Variants in PPRC1 observed in about 807,000 individuals in gnomAD.
PPRC1 encodes the protein PPARG related coactivator 1.
In PPRC1, 23 loss-of-function variants were observed where a neutral mutation model predicts 132.5. That is an observed-to-expected ratio of 0.17 (90% confidence interval 0.12 to 0.25). The LOEUF (loss-of-function observed/expected upper bound fraction) is 0.25. Ranked by LOEUF, PPRC1 falls within the 10% of genes least tolerant of loss-of-function variation. The pLI, the probability that PPRC1 is intolerant of heterozygous loss-of-function variation, is 1.00. For missense variants in PPRC1, 2,006 were observed against 2,089.1 expected (o/e 0.96, Z 0.78); for synonymous variants, 872 against 833.5 (o/e 1.05, Z -0.80).
Position 102,141,855 on chromosome 10 carries a change from C to T in PPRC1, c.3347C>T (p.Pro1116Leu), listed in dbSNP as rs757550823. 2 of 1,614,138 alleles carry T rather than the reference C, an allele frequency of 1.2e-6. No homozygotes were observed. The highest frequency in any genetic ancestry group is 2.2e-5 in the South Asian group (2 of 91,072). ...AGGCCCAGGGAGAAGCCCCCCTTGC[C>T]TGCTACCAAGGCTGTTCCCACACCA... ...ETRPREKPPL[P>L]ATKAVPTPRQ... Residue 1116 changes from proline (P) to leucine (L), a missense_variant, in exon 5 of 14, where the codon CCT becomes CTT. Pro to Leu is a moderately conservative substitution (Grantham distance 98). Transcript: ENST00000278070.
At chr10:102,147,876 G>A (rs1172194532) in intron 9 of PPRC1, among the ~76,000 whole-genome samples, 1 of 152,068 alleles carries the variant, frequency 6.6e-6, no homozygotes, top group Non-Finnish European at 1.5e-5. Flanking sequence ...CCCACTTAAT[G>A]AAGAATTCTT....
At chr10:102,122,459 G>GC in the PPRC1 span, among the ~76,000 whole-genome samples, 11 of 136,776 alleles carry the variant, frequency 8.0e-5, no homozygotes, top group South Asian at 2.4e-4. Context: ...TGTTCTTTCT[G>GC]CCCTTTTTTT....
chr10:102,121,303 A>T, the PPRC1 span, among the ~76,000 whole-genome samples: 5 of 151,196 alleles, frequency 3.3e-5, no homozygotes, highest in Non-Finnish European at 7.4e-5. Flanking sequence ...GCCCAACCCC[A>T]CCGCCTCCGA....
At chr10:102,126,228 G>C in the PPRC1 span, among the ~76,000 whole-genome samples, 2 of 152,090 alleles carry the variant, frequency 1.3e-5, no homozygotes, top group African/African-American at 2.4e-5. Context: ...TGTAATCCTA[G>C]AAACTCAGGA....
In PPRC1 at chr10:102,140,652, C is replaced by G. The variant is rs1022209536; in HGVS notation, c.2144C>G (p.Ser715Cys). Residue 715 changes from serine to cysteine, a missense_variant, in exon 5 of 14, where the codon TCC (serine) becomes TGC (cysteine). This residue lies in a region of PPRC1 where 1,914 missense variants were observed against 1,917.2 expected (regional missense o/e 1.00). Coordinates refer to ENST00000278070, the MANE Select transcript of PPRC1 (RefSeq NM_015062.5). ...CCCCAGCTCCTCGTGGAGTCAGAGT[C>G]CTTGGACCCACCAAAGACCATCATC... is the stretch of plus-strand genomic sequence containing the variant. Reference protein sequence around the residue: ...SAPQLLVESESLDPPKTIIPE... With the variant: ...SAPQLLVESECLDPPKTIIPE... 1 of 1,614,072 alleles carries G rather than the reference C, an allele frequency of 6.2e-7. No individual in the cohort carries two copies. Among genetic ancestry groups the G allele is most frequent in the African/African-American group, 1.3e-5 (1 of 75,016 alleles).
At chr10:102,120,153 C>T in the PPRC1 span, 2 of 1,265,150 alleles carry the variant, frequency 1.6e-6, no homozygotes, top group Non-Finnish European at 2.0e-6. Context: ...AGTCACGGTG[C>T]CCGCCCCTCG....
chr10:102,147,647 T>C (rs2069322475), intron 9 of PPRC1, among the ~76,000 whole-genome samples: 2 of 152,184 alleles, frequency 1.3e-5, no homozygotes, highest in South Asian at 4.1e-4. Context: ...GGGAGACTTT[T>C]AGGGTTTGAT....
chr10:102,122,622 T>TAA, the PPRC1 span, among the ~76,000 whole-genome samples: 1 of 152,114 alleles, frequency 6.6e-6, no homozygotes, highest in East Asian at 1.9e-4. Flanking sequence ...TGTGACCACT[T>TAA]ACGCCTAAGG....
chr10:102,120,930 T>G, the PPRC1 span, among the ~76,000 whole-genome samples: 5 of 152,206 alleles, frequency 3.3e-5, no homozygotes, highest in South Asian at 1.0e-3. Flanking sequence ...GCCAGCCTTC[T>G]TCTGGAGGCC....
At chr10:102,136,923 G>T (rs1448954960) in intron 1 of PPRC1, among the ~76,000 whole-genome samples, 1 of 152,218 alleles carries the variant, frequency 6.6e-6, no homozygotes, top group Admixed American at 6.5e-5. Context: ...AGTGTGGGGC[G>T]GGGCCTTTCC....
chr10:102,130,021 A>T (rs1157533254), upstream of PPRC1, among the ~76,000 whole-genome samples: 1 of 152,226 alleles, frequency 6.6e-6, no homozygotes, highest in Non-Finnish European at 1.5e-5. Flanking sequence ...TCCTCATATG[A>T]CTATTTTATA....
chr10:102,123,357 A>T, the PPRC1 span, among the ~76,000 whole-genome samples: 32 of 151,316 alleles, frequency 2.1e-4, no homozygotes, highest in African/African-American at 7.8e-4. Flanking sequence ...CACCTGGCAG[A>T]CAGAAGGGAT....
intron 1 of PPRC1, among the ~76,000 whole-genome samples, chr10:102,133,961 G>A (rs1564928336): frequency 6.6e-6 from 1 of 151,980 alleles, no homozygotes; most frequent in Non-Finnish European, 1.5e-5. Flanking sequence ...TGTTGCGGGA[G>A]TTTGTTCCCT....
rs750307896 is a variant in PPRC1 at position 102,148,360 on chromosome 10, C to T, written c.4401-12C>T. The T allele has an allele frequency of 1.9e-6, 3 of 1,612,320 alleles. No homozygotes were observed. In the Admixed American group the frequency reaches 5.0e-5, roughly 27 times the overall value. On this transcript the variant is annotated splice_polypyrimidine_tract_variant and intron_variant, in intron 9 of 13. Transcript: ENST00000278070. This position sits in a 1 kb window ranked among gnomAD's most constrained non-coding sequence, Gnocchi z 4.2. ...CACTCCCAGCATTCCTGCATGCCCT[C>T]TTATCCTTCAGGTCCAGCTGTAGTT...
chr10:102,141,430 T>G lies in PPRC1; in HGVS notation c.2922T>G (p.Ser974Arg). The change falls in exon 5 of 14, where the codon AGT becomes AGG. Residue 974 changes from serine (S) to arginine (R), a missense_variant. Transcript: ENST00000278070. Reference sequence around the variant, plus strand: ...CTCCTGCCCCAGTCTCACCTTACAGTTCCACATGTACCTATGGGCCCTTGG... The same window carrying G: ...CTCCTGCCCCAGTCTCACCTTACAGGTCCACATGTACCTATGGGCCCTTGG... Reference protein sequence around the residue: ...APPPAPVSPYSSTCTYGPLGW... With the variant: ...APPPAPVSPYRSTCTYGPLGW... The G allele has an allele frequency of 1.2e-6, 2 of 1,613,866 alleles. No individual in the cohort carries two copies. Among genetic ancestry groups the G allele is most frequent in the Non-Finnish European group, 1.7e-6 (2 of 1,180,002 alleles).
At chr10:102,133,448 C>G (rs1427272479) in intron 1 of PPRC1, among the ~76,000 whole-genome samples, 1 of 151,670 alleles carries the variant, frequency 6.6e-6, no homozygotes, top group Non-Finnish European at 1.5e-5. Context: ...AGCGGGGTGT[C>G]GGAAACATAA....
At position 102,140,598 on chromosome 10, in the gene PPRC1, C is replaced by T. The variant is rs761373654; in HGVS notation, c.2090C>T (p.Ala697Val). 2 of 1,614,096 alleles carry T rather than the reference C, an allele frequency of 1.2e-6. No homozygotes were observed. The highest frequency in any genetic ancestry group is 2.2e-5 in the South Asian group (2 of 91,080). Residue 697 changes from alanine to valine, a missense_variant, in exon 5 of 14, where the codon GCA (alanine) becomes GTA (valine). This residue lies in a region of PPRC1 where 1,914 missense variants were observed against 1,917.2 expected (regional missense o/e 1.00). Coordinates refer to ENST00000278070, the MANE Select transcript of PPRC1 (RefSeq NM_015062.5). ...AGACCAACTGATCCCAGACGTGGTG[C>T]AGTGTCATCAGCCCTGGGGGGTTCA... ...KSRPTDPRRG[A>V]VSSALGGSAP...
intron 13 of PPRC1, among the ~76,000 whole-genome samples, chr10:102,149,663 C>T (rs936769151): frequency 4.1e-5 from 6 of 146,894 alleles, no homozygotes; most frequent in South Asian, 2.3e-4. Context: ...ACCCAGGAGG[C>T]GGAGGTTGCA....
chr10:102,147,353 G>T lies in PPRC1; in HGVS notation c.4361G>T (p.Arg1454Leu), dbSNP rs377504896. 3.7e-6 allele frequency: 6 copies of T among 1,609,360 alleles called. No homozygotes were observed. Among genetic ancestry groups the T allele is most frequent in the Non-Finnish European group, 5.1e-6 (6 of 1,179,516 alleles). The change falls in exon 9 of 14, where the codon CGG becomes CTG. Residue 1454 changes from arginine to leucine, a missense_variant. Arg to Leu is a moderately radical substitution (Grantham distance 102, BLOSUM62 -2). Coordinates refer to ENST00000278070, the MANE Select transcript of PPRC1 (RefSeq NM_015062.5). ...TCATCGTCTTCCTCATCCCGATCTC[G>T]GTCCAGGTCCCTCTCCCCCCCACAC... ...SSSSSSSSRS[R>L]SRSLSPPHKR...
Sources: allele counts gnomAD v4.1 joint callset (sites outside exome capture counted in the v4.1 genomes callset), GRCh38; gene constraint gnomAD v4.1.1; regional missense constraint gnomAD v4.1.1; non-coding constraint Gnocchi (gnomAD v3.1); transcripts MANE v1.5; gene names NCBI Gene and HGNC (gene_info 2026-07-23, HGNC 2026-07-21).